Variants in GOLGA8B observed in about 807,000 individuals in gnomAD.
The protein encoded by GOLGA8B is golgin A8 family member B, also known as golgin subfamily A member 8B.
In GOLGA8B, 1 loss-of-function variant was observed where a neutral mutation model predicts 15.6. The ratio of observed to expected loss-of-function variants is 0.06; its 90% CI spans 0.02 to 0.30. The LOEUF (loss-of-function observed/expected upper bound fraction) is 0.30. GOLGA8B is among the 10% of genes least tolerant of loss of function. The pLI is 1.00. For missense variants in GOLGA8B, 17 were observed against 201.3 expected, an observed-to-expected ratio of 0.08 and a Z score of 5.54; for synonymous variants, 9 against 80.3, an observed-to-expected ratio of 0.11 and a Z score of 4.75.
At chr15:34,582,581 C>G (rs1457805647) in intron 1 of GOLGA8B, among the ~76,000 whole-genome samples, 1 of 152,198 alleles carries the variant, frequency 6.6e-6, no homozygotes, top group African/African-American at 2.4e-5. Flanking sequence ...CTCAAGAGAT[C>G]TGAAAAAATA....
intron 1 of GOLGA8B, among the ~76,000 whole-genome samples, chr15:34,571,327 A>T (rs1331059979): frequency 2.3e-5 from 3 of 128,548 alleles, no homozygotes; most frequent in East Asian, 5.4e-4. Flanking sequence ...TAAATTAATT[A>T]AAAAAAAATA....
rs1362646058 is a variant in GOLGA8B, at chr15:34,546,895, C to T, written c.-527+40G>A. ...CTTTATTCGTTACCCCGTATGAATC[C>T]ATAAAGAAGTAGCCATTAGCAAATT... On this transcript the variant is annotated intron_variant, in intron 5 of 23. Coordinates refer to ENST00000683415, the MANE Select transcript of GOLGA8B (RefSeq NM_001023567.5). 4 of 91,302 alleles carry T rather than the reference C, an allele frequency of 4.4e-5. No homozygotes were observed. The East Asian group carries it at 1.4e-3, about 32-fold the overall frequency. The allele number at this position is 91,302 out of a possible 1,614,324, so 5.7% of individuals were successfully genotyped here. A position where few individuals can be genotyped will look rare whatever the true frequency, so the allele number is the denominator to read the frequency against.
At chr15:34,571,384 GAAA>G (rs1888909764) in intron 1 of GOLGA8B, among the ~76,000 whole-genome samples, 1 of 151,928 alleles carries the variant, frequency 6.6e-6, no homozygotes, top group African/African-American at 2.4e-5. Flanking sequence ...GGCGGAAAAT[GAAA>G]AAAGAAGAGG....
intron 1 of GOLGA8B, among the ~76,000 whole-genome samples, chr15:34,571,580 A>G (rs1430917767): frequency 3.3e-5 from 5 of 149,408 alleles, no homozygotes; most frequent in Admixed American, 2.0e-4. Flanking sequence ...CAGAGAGGTC[A>G]AAGTGGCTGA....
At chr15:34,571,107 C>T (rs1325030096) in intron 1 of GOLGA8B, among the ~76,000 whole-genome samples, 2 of 150,160 alleles carry the variant, frequency 1.3e-5, no homozygotes, top group African/African-American at 2.5e-5. Flanking sequence ...AAGAGGATCA[C>T]TTAAGCTCAG....
intron 1 of GOLGA8B, among the ~76,000 whole-genome samples, chr15:34,575,701 A>C (rs1317250322): frequency 6.6e-6 from 1 of 152,160 alleles, no homozygotes; most frequent in Non-Finnish European, 1.5e-5. Context: ...CCACTCTTCT[A>C]GGATGGGGTC....
intron 1 of GOLGA8B, among the ~76,000 whole-genome samples, chr15:34,576,387 G>A (rs1274413423): frequency 4.6e-5 from 7 of 152,160 alleles, no homozygotes; most frequent in Non-Finnish European, 7.4e-5. Context: ...TGAAAACTGC[G>A]AAAGCCCAAG....
In GOLGA8B at chr15:34,554,405, C is replaced by T. The variant is rs1406337729; in HGVS notation, c.-1122-449G>A. Among the ~76,000 whole-genome samples the T allele has an allele frequency of 2.7e-5, 4 of 149,784 alleles. No homozygotes were observed. In the South Asian group the frequency reaches 6.3e-4, roughly 24 times the overall value. ...CCATGCCCACCTCATACACACCACA[C>T]ACATACCCCATACACACCACACACC... is the stretch of plus-strand genomic sequence containing the variant. On this transcript the variant is annotated intron_variant, in intron 1 of 23. Transcript: ENST00000683415.
chr15:34,565,670 TCTTTC>T (rs1403496956), intron 1 of GOLGA8B, among the ~76,000 whole-genome samples: 1 of 2,788 alleles, frequency 3.6e-4, no homozygotes. Context: ...TTTCTTTCTT[TCTTTC>T]TTTCTTTTTT....
intron 1 of GOLGA8B, among the ~76,000 whole-genome samples, chr15:34,566,779 G>A (rs1165782438): frequency 1.5e-5 from 2 of 131,040 alleles, no homozygotes; most frequent in South Asian, 2.3e-4. Context: ...CTGCAAATGC[G>A]TAAGAGGATA....
At chr15:34,568,957 TCTCG>T (rs1566934907) in intron 1 of GOLGA8B, among the ~76,000 whole-genome samples, 1 of 149,450 alleles carries the variant, frequency 6.7e-6, no homozygotes, top group African/African-American at 2.6e-5. Flanking sequence ...TCTCTCTCGC[TCTCG>T]CTCTCTCTCT....
chr15:34,573,811 C>G (rs1257261542), intron 1 of GOLGA8B, among the ~76,000 whole-genome samples: 1 of 151,774 alleles, frequency 6.6e-6, no homozygotes, highest in African/African-American at 2.4e-5. Flanking sequence ...CCTTGGATTC[C>G]TAGGACAACC....
intron 4 of GOLGA8B, among the ~76,000 whole-genome samples, 189 bp downstream of exon 4, chr15:34,550,949 T>C (rs1447501193): frequency 1.1e-5 from 1 of 94,768 alleles, no homozygotes; most frequent in Non-Finnish European, 2.1e-5. Flanking sequence ...GAACTATGAT[T>C]GTGCCACCGC....
chr15:34,526,447 T>C lies in GOLGA8B; in HGVS notation c.*1185A>G, dbSNP rs1390122095. 6.7e-6 allele frequency: 1 copy of C among 148,774 alleles called. No individual in the cohort carries two copies. The highest frequency in any genetic ancestry group is 1.5e-5 in the Non-Finnish European group (1 of 67,088). 9.2% of individuals were successfully genotyped at this position (148,774 alleles called of 1,614,324 possible). A position where few individuals can be genotyped will look rare whatever the true frequency, so the allele number is the denominator to read the frequency against. On this transcript the variant is annotated 3_prime_UTR_variant, in exon 24 of 24. Transcript: ENST00000683415. ...CAGAGTAACCGAGGTGGTTGAAGAA[T>C]AGGTATTAGCCAGAGAGGTCTAGAT...
intron 1 of GOLGA8B, among the ~76,000 whole-genome samples, chr15:34,577,504 TCATACACACA>T (rs1363601917): frequency 1.6e-3 from 158 of 100,694 alleles, no homozygotes; most frequent in Non-Finnish European, 2.5e-3. Context: ...AAATTATATA[TCATACACACA>T]CACACACACA....
chr15:34,571,937 T>A (rs1181188883), intron 1 of GOLGA8B, among the ~76,000 whole-genome samples: 2 of 152,130 alleles, frequency 1.3e-5, no homozygotes, highest in Non-Finnish European at 2.9e-5. Context: ...GGAATAACCC[T>A]GTGTACCAAG....
At chr15:34,572,402 G>A (rs1316538443) in intron 1 of GOLGA8B, among the ~76,000 whole-genome samples, 1 of 152,108 alleles carries the variant, frequency 6.6e-6, no homozygotes, top group Non-Finnish European at 1.5e-5. Flanking sequence ...TGTGAAAAAC[G>A]GAACCCAAAA....
chr15:34,559,262 G>A (rs1449054711), intron 1 of GOLGA8B, among the ~76,000 whole-genome samples: 1 of 147,418 alleles, frequency 6.8e-6, no homozygotes, highest in Non-Finnish European at 1.5e-5. Flanking sequence ...GAGAGAGCAG[G>A]GAGTGGGGAG....
At chr15:34,543,298 T>C (rs1425146428) in intron 7 of GOLGA8B, among the ~76,000 whole-genome samples, 1 of 144,150 alleles carries the variant, frequency 6.9e-6, no homozygotes, top group Non-Finnish European at 1.5e-5. Flanking sequence ...CTCAGCCTCC[T>C]GATTAGCTGG....
Sources: allele counts gnomAD v4.1 joint callset (sites outside exome capture counted in the v4.1 genomes callset), GRCh38; gene constraint gnomAD v4.1.1; transcripts MANE v1.5; gene names NCBI Gene and HGNC (gene_info 2026-07-23, HGNC 2026-07-21).